Variants in PCDH17 observed in about 807,000 individuals in gnomAD.
PCDH17 encodes the protein protocadherin-17.
In PCDH17, 21 loss-of-function variants were observed where a neutral mutation model predicts 67.7. The observed-to-expected ratio is 0.31, with a 90% CI of 0.22 to 0.45. The LOEUF is 0.45. PCDH17 is among the 20% of genes least tolerant of loss of function. The probability of loss-of-function intolerance (pLI) is 1.00; values close to 1 mark genes in which losing one functional copy is unlikely to be tolerated. For synonymous variants in PCDH17, 701 were observed against 656.7 expected (o/e 1.07, Z -1.03); for missense variants, 1,471 against 1,564.8 (o/e 0.94, Z 1.01).
chr13:57,686,896 G>A (rs9591825), intron 3 of PCDH17, among the ~76,000 whole-genome samples: 10,388 of 151,958 alleles, frequency 0.068, 1,216 homozygotes, highest in African/African-American at 0.24. Flanking sequence ...AGCCTAGAAC[G>A]CACTGTGGTC....
chr13:57,702,120 G>T (rs1955670570), intron 3 of PCDH17, among the ~76,000 whole-genome samples: 1 of 151,988 alleles, frequency 6.6e-6, no homozygotes, highest in Non-Finnish European at 1.5e-5. Flanking sequence ...GTTTCATCAT[G>T]TTGGCCAGGA....
At chr13:57,649,625 C>T (rs1413113971) in intron 1 of PCDH17, among the ~76,000 whole-genome samples, 1 of 152,034 alleles carries the variant, frequency 6.6e-6, no homozygotes, top group Non-Finnish European at 1.5e-5. Flanking sequence ...TTTTAATGAA[C>T]AGAAGCAATA....
chr13:57,661,248 T>C (rs1460108504), intron 1 of PCDH17, among the ~76,000 whole-genome samples: 2 of 152,204 alleles, frequency 1.3e-5, no homozygotes, highest in Non-Finnish European at 2.9e-5. Context: ...TTTTCCTAAT[T>C]GCAGCTTATA....
intron 1 of PCDH17, 77 bp from the exon 2 acceptor site, chr13:57,666,391 C>A: frequency 9.3e-7 from 1 of 1,073,914 alleles, no homozygotes; most frequent in Non-Finnish European, 1.4e-6. Context: ...ATCATTTTTC[C>A]ACTAGGAAAT....
At chr13:57,703,907 AATACAC>A (rs1458297063) in intron 3 of PCDH17, among the ~76,000 whole-genome samples, 4 of 152,148 alleles carry the variant, frequency 2.6e-5, no homozygotes, top group Non-Finnish European at 4.4e-5. Context: ...TCAGTTGTAG[AATACAC>A]ATAGGCTCAG....
At chr13:57,706,789 T>A (rs1051872269) in intron 3 of PCDH17, among the ~76,000 whole-genome samples, 4 of 152,136 alleles carry the variant, frequency 2.6e-5, no homozygotes, top group Non-Finnish European at 2.9e-5. Context: ...AATGGTGGAT[T>A]GGATCCATAA....
rs1049518145 is a variant in PCDH17, at chr13:57,710,050, T to A, written c.2798-14562T>A. Among the ~76,000 whole-genome samples, 4 of 151,938 alleles carry A rather than the reference T, an allele frequency of 2.6e-5. No individual in the cohort carries two copies. The East Asian group carries it at 7.7e-4, about 29-fold the overall frequency. ...TGGGCCAAATCTTAATTATTTCATA[T>A]TTTGAAAATTCTACCACTTATATTA... On this transcript the variant is annotated intron_variant, in intron 3 of 3. Coordinates refer to ENST00000377918, the MANE Select transcript of PCDH17 (RefSeq NM_001040429.3).
rs754908436 is a variant in PCDH17, at chr13:57,634,172, C to A, written c.1626C>A (p.Phe542Leu). The change falls in exon 1 of 4, where the codon TTC becomes TTA. Residue 542 changes from phenylalanine to leucine, a missense_variant. Transcript: ENST00000377918. This position sits in a 1 kb window ranked among gnomAD's most constrained non-coding sequence, Gnocchi z 7.8. ...GAIYALRSFN[F>L]EQTKAFEFKV... is the part of the protein sequence containing the mutation. ...TCTACGCCCTGCGCTCCTTTAACTT[C>A]GAGCAGACCAAGGCTTTTGAGTTCA... The A allele has an allele frequency of 6.2e-6, 10 of 1,613,614 alleles. No individual in the cohort carries two copies. The highest frequency in any genetic ancestry group is 8.5e-6 in the Non-Finnish European group (10 of 1,180,038).
intron 1 of PCDH17, among the ~76,000 whole-genome samples, chr13:57,635,931 GA>G (rs1037874468): frequency 1.3e-5 from 2 of 152,128 alleles, no homozygotes; most frequent in Non-Finnish European, 2.9e-5. Flanking sequence ...TTGCGCTACT[GA>G]AAAAAGGAGG....
At chr13:57,644,025 G>T (rs1462607818) in intron 1 of PCDH17, among the ~76,000 whole-genome samples, 1 of 151,652 alleles carries the variant, frequency 6.6e-6, no homozygotes, top group Non-Finnish European at 1.5e-5. Context: ...TGAGATACAG[G>T]ATTATTAAAA....
intron 3 of PCDH17, chr13:57,709,556 A>C (rs1323527809): frequency 6.6e-6 from 1 of 151,928 alleles, no homozygotes; most frequent in Non-Finnish European, 1.5e-5. Context: ...TGATCATTCT[A>C]AAGAATTTTA....
intron 3 of PCDH17, among the ~76,000 whole-genome samples, chr13:57,719,941 G>T (rs997654526): frequency 6.6e-6 from 1 of 151,898 alleles, no homozygotes; most frequent in Non-Finnish European, 1.5e-5. Context: ...CATTGAAATG[G>T]CTATGCACTC....
rs149002900 is a variant in PCDH17, at chr13:57,724,723, G to C, written c.2909G>C (p.Arg970Pro). ...AATCAGGCTGAAAATGCAGATTACC[G>C]CACAAATCTCTTTGTACCTACAGTT... is the stretch of plus-strand genomic sequence containing the variant. ...AANQAENADY[R>P]TNLFVPTVEA... Residue 970 changes from arginine (R) to proline (P), a missense_variant, in exon 4 of 4, where the codon CGC becomes CCC. By Grantham distance (103) the Arg-to-Pro change is moderately radical. Coordinates refer to ENST00000377918, the MANE Select transcript of PCDH17 (RefSeq NM_001040429.3). 6.2e-7 allele frequency: 1 copy of C among 1,614,020 alleles called. No homozygotes were observed. The highest frequency in any genetic ancestry group is 1.1e-5 in the South Asian group (1 of 91,086).
chr13:57,630,475 C>T (rs373100972), upstream of PCDH17, among the ~76,000 whole-genome samples: 31 of 152,064 alleles, frequency 2.0e-4, no homozygotes, highest in South Asian at 1.0e-3. Context: ...AAGCTGGGAA[C>T]AATTACTGGA....
chr13:57,697,555 G>A (rs1341817525), intron 3 of PCDH17, among the ~76,000 whole-genome samples: 22 of 151,550 alleles, frequency 1.5e-4, no homozygotes, highest in Admixed American at 1.4e-3. Flanking sequence ...ATTTAGGCTT[G>A]TAATAACATG....
chr13:57,631,557 G>A (rs1954720596), upstream of PCDH17, among the ~76,000 whole-genome samples: 1 of 152,164 alleles, frequency 6.6e-6, no homozygotes, highest in Non-Finnish European at 1.5e-5. Flanking sequence ...AGAGAAATCA[G>A]AGAGTGTGTT....
Position 57,724,853 on chromosome 13 carries a change from C to T in PCDH17, c.3039C>T (p.Ala1013=). Reference sequence around the variant, plus strand: ...AGCGAGAGCACACTATTCTCATTGCCAACGTTAAACCTTATTTAAAAGCCA... The same window carrying T: ...AGCGAGAGCACACTATTCTCATTGCTAACGTTAAACCTTATTTAAAAGCCA... ...KDKREHTILI[A]NVKPYLKAKR... is the part of the protein sequence containing the mutation. The change falls in exon 4 of 4, where the codon GCC becomes GCT. Residue 1013 remains alanine, a synonymous_variant. Coordinates refer to ENST00000377918, the MANE Select transcript of PCDH17 (RefSeq NM_001040429.3). 6.2e-7 allele frequency: 1 copy of T among 1,614,152 alleles called. No homozygotes were observed. Among genetic ancestry groups the T allele is most frequent in the Admixed American group, 1.7e-5 (1 of 60,022 alleles).
intron 1 of PCDH17, 61 bp downstream of exon 1, chr13:57,635,172 A>G: frequency 6.4e-7 from 1 of 1,556,128 alleles, no homozygotes; most frequent in Non-Finnish European, 8.7e-7. Context: ...GCTGTCCTGA[A>G]ACCTTTGGAA....
chr13:57,656,460 C>G (rs2138008265), intron 1 of PCDH17, among the ~76,000 whole-genome samples: 1 of 152,158 alleles, frequency 6.6e-6, no homozygotes, highest in Middle Eastern at 3.4e-3. Context: ...ATCTTCCTTT[C>G]TTTATTCTCT....
Sources: allele counts gnomAD v4.1 joint callset (sites outside exome capture counted in the v4.1 genomes callset), GRCh38; gene constraint gnomAD v4.1.1; non-coding constraint Gnocchi (gnomAD v3.1); transcripts MANE v1.5; gene names NCBI Gene and HGNC (gene_info 2026-07-23, HGNC 2026-07-21).